The following FGD3 variants were observed in gnomAD, a reference collection of about 807,000 sequenced individuals.
FGD3 encodes the protein FYVE, RhoGEF and PH domain containing 3, also known as FYVE, RhoGEF and PH domain-containing protein 3.
In FGD3, 45 loss-of-function variants were observed where a neutral mutation model predicts 71.8. The observed-to-expected ratio is 0.63, with a 90% CI of 0.49 to 0.80. The LOEUF (loss-of-function observed/expected upper bound fraction) is 0.80. FGD3 is among the 30% of genes least tolerant of loss of function. The probability of loss-of-function intolerance (pLI) is 0.00; values close to 1 mark genes in which losing one functional copy is unlikely to be tolerated. For missense variants in FGD3, 844 were observed against 951.5 expected (o/e 0.89, Z 1.49); for synonymous variants, 378 against 392.8 (o/e 0.96, Z 0.44).
intron 1 of FGD3, among the ~76,000 whole-genome samples, chr9:92,953,318 T>G (rs1858990840): frequency 6.6e-6 from 1 of 152,192 alleles, no homozygotes; most frequent in African/African-American, 2.4e-5. Context: ...CGCTTCCACT[T>G]CAGGCTCTAA....
At chr9:93,006,830 C>T (rs1861076639) in intron 6 of FGD3, among the ~76,000 whole-genome samples, 1 of 151,456 alleles carries the variant, frequency 6.6e-6, no homozygotes. Context: ...GGGTTTACAC[C>T]ATTCTCCTGC....
intron 1 of FGD3, among the ~76,000 whole-genome samples, chr9:92,949,833 C>T (rs780974857): frequency 6.6e-6 from 1 of 152,180 alleles, no homozygotes; most frequent in Non-Finnish European, 1.5e-5. Context: ...CCCACCACAA[C>T]CCTCTGAGGA....
chr9:93,002,791 GC>G, intron 3 of FGD3, 133 bp from the exon 4 acceptor site: 1 of 779,092 alleles, frequency 1.3e-6, no homozygotes, highest in Non-Finnish European at 2.2e-6. Context: ...GGCCCCTCCT[GC>G]CCCTTCTCTT....
chr9:92,962,962 G>T (rs75051391), intron 1 of FGD3, among the ~76,000 whole-genome samples: 7,294 of 147,934 alleles, frequency 0.049, 329 homozygotes, highest in East Asian at 0.25. Flanking sequence ...AAAAAGAAAA[G>T]AAAAGATTAA....
chr9:92,965,285 C>T (rs1473064993), intron 1 of FGD3, among the ~76,000 whole-genome samples: 2 of 152,202 alleles, frequency 1.3e-5, no homozygotes, highest in African/African-American at 2.4e-5. Context: ...CCATTCAGAT[C>T]GGTGCTTGCC....
At chr9:92,949,008 T>C (rs1858905120) in intron 1 of FGD3, among the ~76,000 whole-genome samples, 2 of 152,204 alleles carry the variant, frequency 1.3e-5, no homozygotes, top group Admixed American at 6.5e-5. Flanking sequence ...AGTTTCCTTA[T>C]CCGCAAAATG....
At position 92,976,307 on chromosome 9, in the gene FGD3, A is replaced by C; in HGVS notation, c.51A>C (p.Leu17=). The C allele has an allele frequency of 6.2e-7, 1 of 1,610,218 alleles. No individual in the cohort carries two copies. The highest frequency in any genetic ancestry group is 8.5e-7 in the Non-Finnish European group (1 of 1,178,208). The change falls in exon 3 of 18, where the codon CTA becomes CTC. Residue 17 remains leucine (L), a synonymous_variant. Coordinates refer to ENST00000375482, the MANE Select transcript of FGD3 (RefSeq NM_001083536.2). ...CCCCTCCAGGACCCATTGCTGCCCT[A>C]GGGATGCCAGACACTGGGCCTGGCA... ...SSTPPGPIAA[L]GMPDTGPGSS... is the part of the protein sequence containing the mutation.
chr9:92,981,417 C>T lies in FGD3; in HGVS notation c.453+4708C>T, dbSNP rs1439160339. On this transcript the variant is annotated intron_variant, in intron 3 of 17. Coordinates refer to ENST00000375482, the MANE Select transcript of FGD3 (RefSeq NM_001083536.2). ...AAGAAAGAAAAAGTTTGTATAATTT[C>T]AGTCTTTGTGTGTTTGTTGAGACTT... Among the ~76,000 whole-genome samples the T allele has an allele frequency of 1.0e-4, 15 of 150,482 alleles. 1 individual carries two copies. Among genetic ancestry groups the T allele is most frequent in the Admixed American group, 9.9e-4 (15 of 15,100 alleles).
chr9:93,032,979 C>A, intron 16 of FGD3, 106 bp downstream of exon 16: 1 of 1,104,508 alleles, frequency 9.1e-7, no homozygotes, highest in Non-Finnish European at 1.4e-6. Context: ...CGGAGTGTCC[C>A]TGGGACCAGG....
intron 11 of FGD3, among the ~76,000 whole-genome samples, chr9:93,018,616 T>C (rs570556399): frequency 6.6e-6 from 1 of 152,318 alleles, no homozygotes; most frequent in South Asian, 2.1e-4. Context: ...TTTCAGTCCC[T>C]TGATGGTTTT....
At chr9:93,004,282 AGACTCCACCCCTTCCTGGTTG>A in intron 5 of FGD3, 145 bp downstream of exon 5, 1 of 1,023,322 alleles carries the variant, frequency 9.8e-7, no homozygotes, top group Non-Finnish European at 1.4e-6. Flanking sequence ...GGTCCGATCC[AGACTCCACCCCTTCCTGGTTG>A]GTGACCTTGA....
intron 3 of FGD3, among the ~76,000 whole-genome samples, chr9:92,980,410 G>A (rs550407993): frequency 1.4e-4 from 21 of 152,074 alleles, no homozygotes; most frequent in African/African-American, 5.1e-4. Flanking sequence ...TTTTCCTATT[G>A]TCTTTCTATT....
chr9:93,030,001 G>A lies in FGD3; in HGVS notation c.1680+5G>A. 1 of 1,611,324 alleles carries A rather than the reference G, an allele frequency of 6.2e-7. No homozygotes were observed. The highest frequency in any genetic ancestry group is 8.5e-7 in the Non-Finnish European group (1 of 1,178,642). ...CACTGCAAGCTGTGTGGGGCGGTGA[G>A]TCCCGGGAGAGGGGGACAGGGACAG... On this transcript the variant is annotated splice_donor_5th_base_variant and intron_variant, in intron 15 of 17. Transcript: ENST00000375482.
At chr9:92,971,611 T>C (rs1392334882) in intron 1 of FGD3, among the ~76,000 whole-genome samples, 3 of 125,672 alleles carry the variant, frequency 2.4e-5, no homozygotes, top group African/African-American at 9.3e-5. Context: ...AATCTGGCTC[T>C]TTCCCCTAGG....
intron 1 of FGD3, among the ~76,000 whole-genome samples, chr9:92,974,285 C>T (rs969075417): frequency 6.6e-6 from 1 of 152,178 alleles, no homozygotes; most frequent in African/African-American, 2.4e-5. Flanking sequence ...CATGTTTGAC[C>T]TCTGGAAACC....
intron 14 of FGD3, among the ~76,000 whole-genome samples, chr9:93,028,196 C>T (rs547606202): frequency 5.4e-4 from 49 of 90,898 alleles, no homozygotes; most frequent in Admixed American, 1.0e-3. Flanking sequence ...CCCCTAGCCC[C>T]GACACACACA....
At chr9:93,002,863 G>GT (rs1860907439) in intron 3 of FGD3, 62 bp from the exon 4 acceptor site, 3 of 1,547,910 alleles carry the variant, frequency 1.9e-6, no homozygotes, top group Non-Finnish European at 2.7e-6. Context: ...GTGGCAGCCC[G>GT]TTAGGTGCCG....
chr9:93,014,006 T>C lies in FGD3; in HGVS notation c.1182+8T>C, dbSNP rs1861553453. On this transcript the variant is annotated splice_region_variant and intron_variant, in intron 9 of 17. Transcript: ENST00000375482. The stretch of plus-strand genomic sequence containing the variant: ...GACCGCCACCTCTTCCTGGTGAGCC[T>C]GGCCCCTGCCAGCCCAGCCGCAGAG... The C allele has an allele frequency of 2.5e-6, 4 of 1,599,778 alleles. No homozygotes were observed. Among genetic ancestry groups the C allele is most frequent in the South Asian group, 1.1e-5 (1 of 89,376 alleles).
intron 8 of FGD3, among the ~76,000 whole-genome samples, chr9:93,012,689 G>GT: frequency 8.0e-6 from 1 of 124,930 alleles, no homozygotes; most frequent in Non-Finnish European, 1.7e-5. Flanking sequence ...GGCGGTGGCG[G>GT]GGTGTGGGGG....
Sources: gnomAD v4.1 joint callset for allele counts (sites outside exome capture counted in the v4.1 genomes callset) on GRCh38, gnomAD v4.1.1 for gene constraint, MANE v1.5 for transcripts, NCBI Gene and HGNC (gene_info 2026-07-23, HGNC 2026-07-21) for gene names.